TANC1: variants seen among roughly 807,000 people sequenced by gnomAD.
TANC1 encodes tetratricopeptide repeat, ankyrin repeat and coiled-coil containing 1, also known as protein TANC1.
In TANC1, 77 loss-of-function variants were observed where a neutral mutation model predicts 149.7. The observed-to-expected ratio is 0.51, with a 90% CI of 0.43 to 0.62. The LOEUF is 0.62. TANC1 is among the 20% of genes least tolerant of loss of function. TANC1 has a pLI of 0.00. For synonymous variants in TANC1, 854 were observed against 925.0 expected (o/e 0.92, Z 1.39); for missense variants, 1,985 against 2,321.8 (o/e 0.85, Z 2.98).
intron 2 of TANC1, chr2:159,056,769 G>T: frequency 2.9e-6 from 1 of 342,212 alleles, no homozygotes; most frequent in Non-Finnish European, 6.1e-6. Flanking sequence ...ATTGCTCTGG[G>T]TGACCTTGTT....
chr2:159,088,059 G>A (rs952316884), intron 3 of TANC1, among the ~76,000 whole-genome samples: 1 of 151,480 alleles, frequency 6.6e-6, no homozygotes, highest in African/African-American at 2.4e-5. Flanking sequence ...GGCCTTGCCT[G>A]ATACCTTGAT....
intron 7 of TANC1, among the ~76,000 whole-genome samples, chr2:159,155,445 C>T (rs1195788648): frequency 1.3e-5 from 2 of 152,132 alleles, no homozygotes. Context: ...TTTGTAGTGT[C>T]CTGAATCGGC....
At chr2:159,175,333 C>T (rs2055728392) in intron 12 of TANC1, 149 bp downstream of exon 12, 1 of 648,464 alleles carries the variant, frequency 1.5e-6, no homozygotes, top group Non-Finnish European at 2.7e-6. Flanking sequence ...ATCCACTCCT[C>T]TTTCTCAGAA....
chr2:159,130,886 G>C (rs779229756), intron 4 of TANC1, among the ~76,000 whole-genome samples: 1 of 152,114 alleles, frequency 6.6e-6, no homozygotes, highest in African/African-American at 2.4e-5. Context: ...CTGTCTTTCA[G>C]GGTAGGTCTT....
intron 1 of TANC1, among the ~76,000 whole-genome samples, chr2:158,971,857 C>A (rs879302311): frequency 1.3e-5 from 2 of 152,210 alleles, no homozygotes; most frequent in Non-Finnish European, 2.9e-5. Flanking sequence ...AGACCTGTAT[C>A]ATCTATAAAT....
chr2:159,128,967 T>C (rs1259936391), intron 4 of TANC1, among the ~76,000 whole-genome samples: 1 of 152,198 alleles, frequency 6.6e-6, no homozygotes, highest in Non-Finnish European at 1.5e-5. Context: ...CATCTCTTTA[T>C]TTTCCTCATC....
chr2:159,164,561 T>C (rs967763488), intron 8 of TANC1, among the ~76,000 whole-genome samples: 1 of 152,196 alleles, frequency 6.6e-6, no homozygotes, highest in Admixed American at 6.5e-5. Flanking sequence ...GTTTCTAGTT[T>C]CTAAACTCCA....
chr2:159,217,116 G>T (rs1373803108), intron 19 of TANC1, among the ~76,000 whole-genome samples: 1 of 152,172 alleles, frequency 6.6e-6, no homozygotes, highest in African/African-American at 2.4e-5. Context: ...GATGGGACAT[G>T]CATGTGGCTG....
intron 2 of TANC1, 23 bp from the exon 3 acceptor site, chr2:159,065,871 TTC>T (rs766950496): frequency 1.9e-6 from 3 of 1,589,398 alleles, no homozygotes; most frequent in East Asian, 2.2e-5. Context: ...TTAATTCCTC[TTC>T]TCTCTGTTTC....
chr2:159,112,721 A>G (rs778525432), intron 4 of TANC1, among the ~76,000 whole-genome samples: 17 of 152,092 alleles, frequency 1.1e-4, no homozygotes, highest in Non-Finnish European at 2.2e-4. Flanking sequence ...GACTACAGGC[A>G]CATGCCACCA....
At chr2:159,125,519 G>A (rs1279663280) in intron 4 of TANC1, among the ~76,000 whole-genome samples, 1 of 152,100 alleles carries the variant, frequency 6.6e-6, no homozygotes, top group Non-Finnish European at 1.5e-5. Flanking sequence ...GCTCATTCAG[G>A]AGGGCAGAAT....
At chr2:159,150,583 A>G in intron 7 of TANC1, 27 bp downstream of exon 7, 2 of 1,563,460 alleles carry the variant, frequency 1.3e-6, no homozygotes, top group Non-Finnish European at 1.8e-6. Flanking sequence ...TCGGTAACAT[A>G]ATGGCTCGAA....
chr2:159,101,121 A>C (rs1284691671), intron 4 of TANC1, among the ~76,000 whole-genome samples: 1 of 152,184 alleles, frequency 6.6e-6, no homozygotes, highest in Non-Finnish European at 1.5e-5. Flanking sequence ...TCTGATTTGT[A>C]AGATGCCCCC....
intron 4 of TANC1, among the ~76,000 whole-genome samples, chr2:159,123,238 T>G (rs941429799): frequency 6.6e-6 from 1 of 152,166 alleles, no homozygotes; most frequent in Non-Finnish European, 1.5e-5. Context: ...AGGTGCTCCC[T>G]TCCGATGGTG....
intron 2 of TANC1, among the ~76,000 whole-genome samples, chr2:159,039,470 C>CT (rs1412426646): frequency 2.0e-5 from 3 of 152,246 alleles, no homozygotes; most frequent in African/African-American, 7.2e-5. Flanking sequence ...ATCTTTCCTG[C>CT]TTTCTCCTGT....
chr2:159,112,629 A>G (rs1486096198), intron 4 of TANC1, among the ~76,000 whole-genome samples: 1 of 146,628 alleles, frequency 6.8e-6, no homozygotes, highest in Non-Finnish European at 1.5e-5. Flanking sequence ...GTGCAATGGC[A>G]CAATCACAGC....
intron 19 of TANC1, among the ~76,000 whole-genome samples, chr2:159,202,080 G>C (rs531732628): frequency 4.5e-4 from 69 of 152,326 alleles, no homozygotes; most frequent in African/African-American, 1.4e-3. Context: ...TGTGGTTGTC[G>C]TGCCTGTTGC....
At chr2:159,098,529 C>G (rs917387012) in intron 4 of TANC1, among the ~76,000 whole-genome samples, 1 of 152,160 alleles carries the variant, frequency 6.6e-6, no homozygotes, top group African/African-American at 2.4e-5. Context: ...CAAATGTCAT[C>G]TGACAATAGT....
At position 159,105,871 on chromosome 2, in the gene TANC1, A is replaced by G. The variant is rs143167284; in HGVS notation, c.259+8037A>G. ...CCATTGGTAACTTTTTCTTTTGGAA[A>G]TTCTTTGTGATAGTTGTCCTTTATT... is the stretch of plus-strand genomic sequence containing the variant. On this transcript the variant is annotated intron_variant, in intron 4 of 26. Transcript: ENST00000263635. Among the ~76,000 whole-genome samples the G allele has an allele frequency of 4.1e-4, 63 of 152,076 alleles. No homozygotes were observed. In the East Asian group the frequency reaches 0.01, roughly 25 times the overall value.
Sources: gnomAD v4.1 joint callset for allele counts (sites outside exome capture counted in the v4.1 genomes callset) on GRCh38, gnomAD v4.1.1 for gene constraint, MANE v1.5 for transcripts, NCBI Gene and HGNC (gene_info 2026-07-23, HGNC 2026-07-21) for gene names.